The following DYNC2I2 variants were observed in gnomAD, a reference collection of about 807,000 sequenced individuals.
DYNC2I2 encodes cytoplasmic dynein 2 intermediate chain 2.
In DYNC2I2, 39 loss-of-function variants were observed where a neutral mutation model predicts 52.0. The observed-to-expected ratio is 0.75, with a 90% CI of 0.58 to 0.98. DYNC2I2 has a LOEUF of 0.98. DYNC2I2 is among the 50% of genes least tolerant of loss of function. The probability of loss-of-function intolerance (pLI) is 0.00; values close to 1 mark genes in which losing one functional copy is unlikely to be tolerated. For missense variants in DYNC2I2, 743 were observed against 728.4 expected (o/e 1.02, Z -0.23); for synonymous variants, 359 against 321.1 (o/e 1.12, Z -1.26).
intron 1 of DYNC2I2, among the ~76,000 whole-genome samples, chr9:128,642,765 A>T (rs1860542793): frequency 6.6e-6 from 1 of 152,104 alleles, no homozygotes. Flanking sequence ...AAAAAAAAAA[A>T]TTACTTATTG....
rs758936528 is a variant in DYNC2I2, at chr9:128,634,224, A to G, written c.1372+2T>C. The G allele has an allele frequency of 3.7e-6, 6 of 1,613,368 alleles. No individual in the cohort carries two copies. In the East Asian group the frequency reaches 8.9e-5, roughly 24 times the overall value. On this transcript the variant is annotated splice_donor_variant, in intron 8 of 8. Coordinates refer to ENST00000372715, the MANE Select transcript of DYNC2I2 (RefSeq NM_052844.4). LOFTEE classifies it high-confidence loss of function. ...GATCCAGGCCTAGCGGCCCCTTCCT[A>G]CCTTTCCCAGAGGCAGCTGCAAAAA... is the stretch of plus-strand genomic sequence containing the variant.
chr9:128,656,389 C>T, intron 1 of DYNC2I2, 152 bp downstream of exon 1: 1 of 510,980 alleles, frequency 2.0e-6, no homozygotes, highest in Non-Finnish European at 2.9e-6. Flanking sequence ...ACTGTAAAGG[C>T]AAACGGTGGG....
At chr9:128,659,227 A>T (rs934212492), upstream of DYNC2I2, among the ~76,000 whole-genome samples, 6 of 151,910 alleles carry the variant, frequency 3.9e-5, no homozygotes, top group Non-Finnish European at 7.4e-5. Flanking sequence ...AAACTCATTA[A>T]GGGGCCGGGC....
the DYNC2I2 span, among the ~76,000 whole-genome samples, chr9:128,681,430 T>C: frequency 6.6e-6 from 1 of 152,232 alleles, no homozygotes; most frequent in Admixed American, 6.5e-5. Context: ...TTTCCTTGAA[T>C]ATCTCACAAT....
At chr9:128,635,894 A>C in intron 4 of DYNC2I2, 127 bp from the exon 5 acceptor site, 1 of 855,044 alleles carries the variant, frequency 1.2e-6, no homozygotes, top group East Asian at 2.7e-5. Context: ...CTTGGCTGGA[A>C]GTCATCCCCA....
intron 1 of DYNC2I2, among the ~76,000 whole-genome samples, chr9:128,645,969 C>A (rs1010358175): frequency 6.6e-6 from 1 of 152,202 alleles, no homozygotes. Context: ...TAACCCAGAG[C>A]AAGGCCCTAA....
At chr9:128,635,511 A>AG (rs1296710107) in intron 5 of DYNC2I2, 147 bp downstream of exon 5, 4 of 827,900 alleles carry the variant, frequency 4.8e-6, no homozygotes, top group Non-Finnish European at 5.7e-6. Flanking sequence ...GTGGCTCCTG[A>AG]GGGGGGTGAC....
chr9:128,636,495 C>G, intron 3 of DYNC2I2, 57 bp from the exon 4 acceptor site: 10 of 1,532,876 alleles, frequency 6.5e-6, no homozygotes, highest in Non-Finnish European at 8.8e-6. Flanking sequence ...CTATCACCCA[C>G]CCCACCTCTC....
intron 1 of DYNC2I2, among the ~76,000 whole-genome samples, chr9:128,653,611 G>A (rs1018156670): frequency 2.0e-5 from 3 of 150,896 alleles, no homozygotes; most frequent in Non-Finnish European, 2.9e-5. Context: ...AGCTACTCGG[G>A]AAGCTGAGGC....
chr9:128,683,699 C>A, the DYNC2I2 span: 95 of 506,434 alleles, frequency 1.9e-4, no homozygotes, highest in African/African-American at 1.8e-3. Context: ...AGAAATTTCT[C>A]CTGATTGGAG....
At chr9:128,643,340 G>T (rs1241648165) in intron 1 of DYNC2I2, among the ~76,000 whole-genome samples, 1 of 152,064 alleles carries the variant, frequency 6.6e-6, no homozygotes, top group Non-Finnish European at 1.5e-5. Context: ...GCCTGGCCAA[G>T]ATGGTGAAAC....
chr9:128,647,885 G>C (rs1026828506), intron 1 of DYNC2I2, among the ~76,000 whole-genome samples: 1 of 152,048 alleles, frequency 6.6e-6, no homozygotes, highest in Non-Finnish European at 1.5e-5. Context: ...TGAGGCCCCA[G>C]GGACGCTCTG....
chr9:128,633,880 C>T lies in DYNC2I2; in HGVS notation c.1475G>A (p.Ser492Asn). 6.2e-7 allele frequency: 1 copy of T among 1,613,498 alleles called. No individual in the cohort carries two copies. The highest frequency in any genetic ancestry group is 1.1e-5 in the South Asian group (1 of 91,090). ...ESPVYCLEFN[S>N]QQTQLLAAGD... ...CGCAGCCAAGAGCTGAGTCTGCTGG[C>T]TGTTGAACTCCAGACAGTAGACAGG... Residue 492 changes from serine (S) to asparagine (N), a missense_variant, in exon 9 of 9, where the codon AGC (serine) becomes AAC (asparagine). Coordinates refer to ENST00000372715, the MANE Select transcript of DYNC2I2 (RefSeq NM_052844.4).
intron 1 of DYNC2I2, among the ~76,000 whole-genome samples, chr9:128,642,104 G>A (rs1276211820): frequency 6.6e-6 from 1 of 151,492 alleles, no homozygotes; most frequent in East Asian, 1.9e-4. Context: ...TGGCTAACAC[G>A]GTGAAACCCA....
chr9:128,683,813 G>A, the DYNC2I2 span: 1 of 1,211,712 alleles, frequency 8.3e-7, no homozygotes, highest in Non-Finnish European at 1.2e-6. Context: ...TAAGCCGCTG[G>A]CACCTGGGGC....
the DYNC2I2 span, among the ~76,000 whole-genome samples, chr9:128,678,757 TG>T: frequency 6.8e-6 from 1 of 147,990 alleles, no homozygotes; most frequent in Non-Finnish European, 1.5e-5. Flanking sequence ...CTACCGAGCC[TG>T]GCCAGGTAAT....
At chr9:128,678,448 ATTTTT>A in the DYNC2I2 span, among the ~76,000 whole-genome samples, 8 of 61,378 alleles carry the variant, frequency 1.3e-4, no homozygotes, top group African/African-American at 3.9e-4. Flanking sequence ...ACCACAGGTA[ATTTTT>A]TTTTTTTTTT....
chr9:128,672,610 GA>G, the DYNC2I2 span, among the ~76,000 whole-genome samples: 121 of 136,190 alleles, frequency 8.9e-4, no homozygotes, highest in African/African-American at 1.9e-3. Context: ...CTTCTGGGGA[GA>G]AAAAAAAAAA....
At position 128,634,718 on chromosome 9, in the gene DYNC2I2, G is replaced by C. The variant is rs781188076; in HGVS notation, c.1185C>G (p.Ile395Met). The C allele has an allele frequency of 1.9e-6, 3 of 1,587,036 alleles. No homozygotes were observed. The highest frequency in any genetic ancestry group is 2.3e-5 in the South Asian group (2 of 87,326). ...GGAAGGGGGAACAGCTCACAGAGTA[G>C]ATGGGACCGCCGTGGGGGGAGAAGG... ...QFTFSPHGGP[I>M]YSVSCSPFHR... Residue 395 changes from isoleucine to methionine, a missense_variant, in exon 7 of 9, where the codon ATC (isoleucine) becomes ATG (methionine). Physicochemically the swap from Ile to Met is conservative, Grantham distance 10. Coordinates refer to ENST00000372715, the MANE Select transcript of DYNC2I2 (RefSeq NM_052844.4).
Sources: allele counts gnomAD v4.1 joint callset (sites outside exome capture counted in the v4.1 genomes callset), GRCh38; gene constraint gnomAD v4.1.1; transcripts MANE v1.5; gene names NCBI Gene and HGNC (gene_info 2026-07-23, HGNC 2026-07-21).